MDGA2: variants seen among roughly 807,000 people sequenced by gnomAD.
MDGA2 encodes the protein MAM domain-containing glycosylphosphatidylinositol anchor protein 2.
A neutral mutation model predicts 117.8 loss-of-function variants in MDGA2; 40 were observed. The observed-to-expected ratio is 0.34, with a 90% CI of 0.26 to 0.44. The LOEUF is 0.44. MDGA2 is among the 20% of genes least tolerant of loss of function. MDGA2 has a pLI of 1.00. For missense variants in MDGA2, 1,123 were observed against 1,250.6 expected (o/e 0.90, Z 1.54); for synonymous variants, 452 against 439.0 (o/e 1.03, Z -0.37).
chr14:47,364,080 C>T (rs1411170882), intron 1 of MDGA2, among the ~76,000 whole-genome samples: 1 of 152,098 alleles, frequency 6.6e-6, no homozygotes, highest in Non-Finnish European at 1.5e-5. Context: ...AGATGAACCA[C>T]AGATAGAATC....
intron 1 of MDGA2, among the ~76,000 whole-genome samples, chr14:47,369,338 ATCTTTG>A (rs1891295692): frequency 6.6e-6 from 1 of 152,160 alleles, no homozygotes; most frequent in African/African-American, 2.4e-5. Context: ...AGAGATGAAG[ATCTTTG>A]TACATATAAT....
At chr14:47,482,077 A>C (rs891476062) in intron 1 of MDGA2, among the ~76,000 whole-genome samples, 28 of 152,024 alleles carry the variant, frequency 1.8e-4, no homozygotes, top group Admixed American at 1.8e-3. Context: ...TTTTCCAGTT[A>C]GAATTTATCA....
intron 1 of MDGA2, among the ~76,000 whole-genome samples, chr14:47,540,559 T>TACAC (rs1566506102): frequency 3.2e-5 from 4 of 124,416 alleles, no homozygotes; most frequent in South Asian, 3.9e-4. Context: ...TATATGTATA[T>TACAC]ATATACACAC....
intron 1 of MDGA2, among the ~76,000 whole-genome samples, chr14:47,445,886 C>A (rs1300885445): frequency 6.6e-6 from 1 of 152,068 alleles, no homozygotes; most frequent in Non-Finnish European, 1.5e-5. Flanking sequence ...AATTCAATTT[C>A]TTGATACCAC....
intron 1 of MDGA2, among the ~76,000 whole-genome samples, chr14:47,470,984 G>A (rs556689851): frequency 4.2e-4 from 64 of 152,252 alleles, no homozygotes; most frequent in Non-Finnish European, 8.2e-4. Context: ...AGTGTTATCT[G>A]AAGGTTGGTG....
intron 14 of MDGA2, among the ~76,000 whole-genome samples, chr14:46,866,895 G>C (rs1881789831): frequency 6.6e-6 from 1 of 152,154 alleles, no homozygotes. Flanking sequence ...GAAAACAACA[G>C]ATGCTGGAGA....
intron 3 of MDGA2, among the ~76,000 whole-genome samples, chr14:47,157,595 ATGTGTGTGTGTGTG>A (rs55697311): frequency 0.2 from 28,504 of 144,508 alleles, 2,881 homozygotes; most frequent in Middle Eastern, 0.22. Context: ...ATGTACATAT[ATGTGTGTGTGTGTG>A]TGTGTGTGTG....
chr14:47,658,407 C>T (rs558138079), intron 1 of MDGA2, among the ~76,000 whole-genome samples: 1 of 152,060 alleles, frequency 6.6e-6, no homozygotes, highest in East Asian at 1.9e-4. Flanking sequence ...ACAATCTAAT[C>T]CTTTAGAATT....
At chr14:46,986,729 A>G (rs1886873249) in intron 8 of MDGA2, among the ~76,000 whole-genome samples, 1 of 152,142 alleles carries the variant, frequency 6.6e-6, no homozygotes, top group African/African-American at 2.4e-5. Flanking sequence ...TTTGTCCCAA[A>G]GCATCAAGAG....
intron 2 of MDGA2, among the ~76,000 whole-genome samples, chr14:47,241,974 G>A (rs548405196): frequency 2.7e-4 from 41 of 151,760 alleles, no homozygotes; most frequent in African/African-American, 9.4e-4. Flanking sequence ...CAACATAGAA[G>A]GCCATTGTGA....
chr14:46,933,240 T>C (rs1380929925), intron 9 of MDGA2, among the ~76,000 whole-genome samples: 3 of 152,034 alleles, frequency 2.0e-5, no homozygotes, highest in Admixed American at 6.6e-5. Flanking sequence ...AGTTCTGTCA[T>C]AGAAAATCAA....
intron 2 of MDGA2, among the ~76,000 whole-genome samples, chr14:47,281,293 C>A (rs529564991): frequency 9.1e-4 from 138 of 151,812 alleles, no homozygotes; most frequent in African/African-American, 3.1e-3. Flanking sequence ...TCACCCCTCT[C>A]CCCCCATCCC....
chr14:47,043,499 G>A (rs189396927), intron 7 of MDGA2, among the ~76,000 whole-genome samples: 2 of 152,116 alleles, frequency 1.3e-5, no homozygotes, highest in African/African-American at 4.8e-5. Flanking sequence ...CTTCTGGGTT[G>A]TCCTTCCCCT....
chr14:46,908,698 A>G (rs949907189), intron 10 of MDGA2, among the ~76,000 whole-genome samples: 2 of 152,188 alleles, frequency 1.3e-5, no homozygotes, highest in African/African-American at 2.4e-5. Flanking sequence ...CCTGAACATA[A>G]TTTAGGGTTA....
intron 1 of MDGA2, among the ~76,000 whole-genome samples, chr14:47,318,775 A>G (rs1889885876): frequency 6.7e-6 from 1 of 149,286 alleles, no homozygotes; most frequent in Non-Finnish European, 1.5e-5. Context: ...GGAGGGAGGA[A>G]GGGAGAAAGG....
chr14:47,525,728 GTT>G (rs371652938), intron 1 of MDGA2, among the ~76,000 whole-genome samples: 2 of 147,114 alleles, frequency 1.4e-5, no homozygotes, highest in East Asian at 2.0e-4. Flanking sequence ...TTGATTTTAA[GTT>G]TTTTTTTTTT....
intron 1 of MDGA2, among the ~76,000 whole-genome samples, chr14:47,359,748 C>CAA (rs71448198): frequency 0.042 from 4,627 of 110,316 alleles, 217 homozygotes; most frequent in African/African-American, 0.081. Context: ...AAGACTGTCT[C>CAA]AAAAAAAAAA....
intron 10 of MDGA2, among the ~76,000 whole-genome samples, chr14:46,916,423 TA>T (rs541791257): frequency 1.8e-3 from 252 of 143,832 alleles, no homozygotes; most frequent in East Asian, 8.2e-3. Context: ...CTTTAGAATG[TA>T]AAAAAAAAAA....
chr14:47,608,567 A>G (rs1029812309), intron 1 of MDGA2, among the ~76,000 whole-genome samples: 1 of 152,154 alleles, frequency 6.6e-6, no homozygotes, highest in Non-Finnish European at 1.5e-5. Context: ...TGGCTATATT[A>G]GTAGGAGATA....
Sources: gnomAD v4.1 joint callset for allele counts (sites outside exome capture counted in the v4.1 genomes callset) on GRCh38, gnomAD v4.1.1 for gene constraint, MANE v1.5 for transcripts, NCBI Gene and HGNC (gene_info 2026-07-23, HGNC 2026-07-21) for gene names.